Variants in ZFHX3 observed in about 807,000 individuals in gnomAD.
ZFHX3 encodes zinc finger homeobox protein 3.
Under a neutral mutation model 279.1 loss-of-function variants are expected in ZFHX3, and 42 were observed. That is an observed-to-expected ratio of 0.15 (90% CI 0.12 to 0.19). The LOEUF is 0.19. Among genes scored for constraint, ZFHX3 ranks in the 10% least tolerant of loss-of-function variants. The probability of loss-of-function intolerance (pLI) is 1.00; values close to 1 mark genes in which losing one functional copy is unlikely to be tolerated. For synonymous variants in ZFHX3, 2,293 were observed against 1,957.8 expected (o/e 1.17, Z -4.52); for missense variants, 4,981 against 4,754.0 (o/e 1.05, Z -1.40).
intron 2 of ZFHX3, among the ~76,000 whole-genome samples, chr16:73,652,802 C>T (rs1447647637): frequency 6.6e-6 from 1 of 151,854 alleles, no homozygotes; most frequent in African/African-American, 2.4e-5. Context: ...TGTATTATTT[C>T]CATATGAATA....
chr16:73,659,796 G>C (rs772952846), intron 2 of ZFHX3, among the ~76,000 whole-genome samples: 1 of 152,058 alleles, frequency 6.6e-6, no homozygotes, highest in African/African-American at 2.4e-5. Context: ...TATTGCATGC[G>C]GTTCCAAAAT....
chr16:72,851,599 G>A (rs2037619052), intron 4 of ZFHX3, among the ~76,000 whole-genome samples: 1 of 151,948 alleles, frequency 6.6e-6, no homozygotes, highest in African/African-American at 2.4e-5. Flanking sequence ...CTGTCGCCCA[G>A]GCTGGACTGC....
intron 8 of ZFHX3, among the ~76,000 whole-genome samples, chr16:73,086,689 A>T (rs1405237946): frequency 6.6e-6 from 1 of 152,112 alleles, no homozygotes; most frequent in Non-Finnish European, 1.5e-5. Context: ...GATTGCTTGA[A>T]TACAGGAGTT....
intron 8 of ZFHX3, among the ~76,000 whole-genome samples, chr16:73,075,085 C>A (rs193016180): frequency 5.5e-4 from 84 of 152,222 alleles, no homozygotes; most frequent in African/African-American, 1.7e-3. Flanking sequence ...TGGGATTACA[C>A]GTGTGAGCTA....
rs902034445 is a variant in ZFHX3 at position 73,159,436 on chromosome 16, T to C, written c.-1103-15605A>G. Among the ~76,000 whole-genome samples, 26 of 152,106 alleles carry C rather than the reference T, an allele frequency of 1.7e-4. 1 individual carries two copies. Among genetic ancestry groups the C allele is most frequent in the African/African-American group, 6.3e-4 (26 of 41,418 alleles). ...GACACAAACCCAAACTGGAAAAGTATGTGTGCACCAGGGCTTGCTATCTTG... is the reference window on the plus strand; with the variant it reads ...GACACAAACCCAAACTGGAAAAGTACGTGTGCACCAGGGCTTGCTATCTTG... On this transcript the variant is annotated intron_variant, in intron 5 of 17. Transcript: ENST00000641206.
At chr16:73,759,860 G>C (rs1413111767) in intron 1 of ZFHX3, among the ~76,000 whole-genome samples, 2 of 139,522 alleles carry the variant, frequency 1.4e-5, no homozygotes, top group African/African-American at 5.4e-5. Context: ...CTGATATTTG[G>C]GATTGTCTTG....
At chr16:73,544,543 T>C (rs1252473908) in intron 2 of ZFHX3, among the ~76,000 whole-genome samples, 2 of 152,118 alleles carry the variant, frequency 1.3e-5, no homozygotes, top group Non-Finnish European at 1.5e-5. Flanking sequence ...TGCTGGTGTT[T>C]GCTATTCTGG....
At position 73,327,445 on chromosome 16, in the gene ZFHX3, G is replaced by C. The variant is rs79028283; in HGVS notation, c.-1290-9109C>G. Among the ~76,000 whole-genome samples, 1,747 of 152,228 alleles carry C rather than the reference G, an allele frequency of 0.011. 126 individuals carry two copies. In the East Asian group the frequency reaches 0.22, roughly 19 times the overall value. On this transcript the variant is annotated intron_variant, in intron 3 of 17. Coordinates refer to the ZFHX3 transcript ENST00000641206. ...TCCCTCCCCAACTTCCCTAGAAGCA[G>C]ATCTGGGCCTGCCATATTGAAAACA...
At chr16:73,374,081 C>G (rs1425871743) in intron 3 of ZFHX3, among the ~76,000 whole-genome samples, 1 of 152,146 alleles carries the variant, frequency 6.6e-6, no homozygotes, top group Non-Finnish European at 1.5e-5. Context: ...GCAGGTCCAT[C>G]AGAATCACCT....
chr16:73,668,604 C>T (rs905541918), intron 2 of ZFHX3, among the ~76,000 whole-genome samples: 7 of 150,740 alleles, frequency 4.6e-5, no homozygotes, highest in African/African-American at 1.7e-4. Context: ...TGGTTTCCAG[C>T]ATCATCCATG....
intron 4 of ZFHX3, among the ~76,000 whole-genome samples, chr16:72,880,660 A>G (rs2038441026): frequency 6.6e-6 from 1 of 152,204 alleles, no homozygotes; most frequent in South Asian, 2.1e-4. Flanking sequence ...TTTTGGGTTG[A>G]AACAACAGAT....
At chr16:73,307,923 A>G (rs1043024967) in intron 4 of ZFHX3, among the ~76,000 whole-genome samples, 38 of 152,058 alleles carry the variant, frequency 2.5e-4, no homozygotes, top group African/African-American at 8.9e-4. Flanking sequence ...GGAACACTGA[A>G]CAGAAAGTTC....
intron 2 of ZFHX3, among the ~76,000 whole-genome samples, chr16:73,465,116 T>C (rs2018542493): frequency 1.3e-5 from 2 of 152,202 alleles, no homozygotes; most frequent in African/African-American, 4.8e-5. Flanking sequence ...AGGTCAGAAA[T>C]GGTCTCGGTA....
intron 1 of ZFHX3, among the ~76,000 whole-genome samples, chr16:73,682,986 GAAAGAAAAGAAAGAAAGAAAGAA>G (rs2053039830): frequency 3.0e-5 from 1 of 33,890 alleles, no homozygotes; most frequent in African/African-American, 1.2e-4. Context: ...AAGAAAGAAA[GAAAGAAAAGAAAGAAAGAAAGAA>G]AGAGAAAGGA....
At chr16:73,856,981 C>T (rs1036750485) in intron 1 of ZFHX3, among the ~76,000 whole-genome samples, 4 of 152,194 alleles carry the variant, frequency 2.6e-5, no homozygotes, top group Non-Finnish European at 4.4e-5. Context: ...GGCGCCTCAG[C>T]GGTGGCCAGA....
rs576565078 is a variant in ZFHX3 at position 72,928,024 on chromosome 16, G to A, written c.3216+22445C>T. Among the ~76,000 whole-genome samples the A allele has an allele frequency of 2.7e-5, 4 of 146,344 alleles. No homozygotes were observed. In the East Asian group the frequency reaches 8.3e-4, roughly 30 times the overall value. ...GCGCCAGAGGCCTCCAGGCTGCACA[G>A]TGCCCCCTGGGGCTGGCACCGTGCC... is the stretch of plus-strand genomic sequence containing the variant. On this transcript the variant is annotated intron_variant, in intron 3 of 9. Coordinates refer to ENST00000268489, the MANE Select transcript of ZFHX3 (RefSeq NM_006885.4).
chr16:73,607,869 A>C (rs2052206791), intron 2 of ZFHX3, among the ~76,000 whole-genome samples: 1 of 152,152 alleles, frequency 6.6e-6, no homozygotes, highest in African/African-American at 2.4e-5. Context: ...CAGGAGTTCG[A>C]GACCAGCCTA....
intron 5 of ZFHX3, among the ~76,000 whole-genome samples, chr16:72,827,147 G>A (rs149890411): frequency 6.6e-6 from 1 of 152,068 alleles, no homozygotes; most frequent in Non-Finnish European, 1.5e-5. Flanking sequence ...AACATCATTC[G>A]CACGATCCCA....
At chr16:73,637,117 A>G (rs764751794) in intron 2 of ZFHX3, among the ~76,000 whole-genome samples, 7 of 152,082 alleles carry the variant, frequency 4.6e-5, no homozygotes, top group Non-Finnish European at 1.0e-4. Flanking sequence ...AATTTGTATA[A>G]TTTAATGTGG....
Sources: gnomAD v4.1 joint callset for allele counts (sites outside exome capture counted in the v4.1 genomes callset) on GRCh38, gnomAD v4.1.1 for gene constraint, MANE v1.5 for transcripts, NCBI Gene and HGNC (gene_info 2026-07-23, HGNC 2026-07-21) for gene names.